CNTNAP5: variants seen among roughly 807,000 people sequenced by gnomAD.
CNTNAP5 encodes contactin associated protein family member 5, also known as contactin-associated protein-like 5.
CNTNAP5 carries 72 observed loss-of-function variants against 150.2 expected under a neutral mutation model. That is an observed-to-expected ratio of 0.48 (90% CI 0.40 to 0.58). CNTNAP5 has a LOEUF of 0.58. Ranked by LOEUF, CNTNAP5 falls within the 20% of genes least tolerant of loss-of-function variation. The pLI is 0.00. For synonymous variants in CNTNAP5, 672 were observed against 619.8 expected (o/e 1.08, Z -1.25); for missense variants, 1,636 against 1,626.2 (o/e 1.01, Z -0.10).
chr2:124,840,072 A>AG lies in CNTNAP5; in HGVS notation c.3218-25232dup, dbSNP rs538467879. On this transcript the variant is annotated intron_variant, in intron 19 of 23. Transcript: ENST00000682447. ...AGCACTTAATACGTGTAAGGAAGTG[A>AG]GGAGGGGGAATAATAAAGCTTGAGA... Among the ~76,000 whole-genome samples the AG allele has an allele frequency of 1.1e-3, 162 of 152,102 alleles. 4 individuals are homozygous for AG. Among genetic ancestry groups the AG allele is most frequent in the African/African-American group, 3.7e-3 (152 of 41,484 alleles).
intron 3 of CNTNAP5, among the ~76,000 whole-genome samples, chr2:124,372,877 A>C (rs1690563568): frequency 2.0e-5 from 3 of 152,162 alleles, no homozygotes; most frequent in South Asian, 4.1e-4. Flanking sequence ...AGAATCTTGA[A>C]GAAAAAGGAA....
intron 19 of CNTNAP5, among the ~76,000 whole-genome samples, chr2:124,835,857 A>T (rs1682818394): frequency 6.6e-6 from 1 of 152,194 alleles, no homozygotes; most frequent in South Asian, 2.1e-4. Context: ...CTTACTAAAA[A>T]CAATACAAAA....
chr2:124,390,751 C>T (rs1407186265), intron 3 of CNTNAP5, among the ~76,000 whole-genome samples: 1 of 152,060 alleles, frequency 6.6e-6, no homozygotes, highest in Non-Finnish European at 1.5e-5. Context: ...TACAAAAACA[C>T]TGGGTGTTAT....
rs1024293072 is a variant in CNTNAP5 at position 124,374,210 on chromosome 2, T to C, written c.382-43233T>C. Among the ~76,000 whole-genome samples, 39 of 152,136 alleles carry C rather than the reference T, an allele frequency of 2.6e-4. 1 individual carries two copies. Among genetic ancestry groups the C allele is most frequent in the African/African-American group, 8.2e-4 (34 of 41,440 alleles). On this transcript the variant is annotated intron_variant, in intron 3 of 23. Transcript: ENST00000682447. ...TATTAGAGAAATGTCAATTATATTA[T>C]GGTTAATTATTTCTTTCACTAGTTA...
intron 12 of CNTNAP5, among the ~76,000 whole-genome samples, chr2:124,612,482 C>T (rs551128679): frequency 6.6e-6 from 1 of 152,170 alleles, no homozygotes; most frequent in Non-Finnish European, 1.5e-5. Flanking sequence ...ACATAGGTTT[C>T]ATGTACATGA....
At chr2:124,706,593 A>G (rs114317137) in intron 13 of CNTNAP5, among the ~76,000 whole-genome samples, 6,226 of 151,702 alleles carry the variant, frequency 0.041, 460 homozygotes, top group African/African-American at 0.14. Context: ...TAAAATATAC[A>G]AAAATTAGCG....
At chr2:124,505,480 T>C (rs1192962858) in intron 8 of CNTNAP5, among the ~76,000 whole-genome samples, 2 of 152,138 alleles carry the variant, frequency 1.3e-5, no homozygotes, top group Admixed American at 1.3e-4. Context: ...ATATATATTT[T>C]AAATGTATTG....
chr2:124,683,239 G>A (rs1470549970), intron 13 of CNTNAP5, among the ~76,000 whole-genome samples: 11 of 152,148 alleles, frequency 7.2e-5, no homozygotes, highest in South Asian at 2.1e-4. Context: ...AGACTGCTTT[G>A]TTGGCCCATT....
At chr2:124,761,085 A>G (rs181871236) in intron 14 of CNTNAP5, among the ~76,000 whole-genome samples, 79 of 152,206 alleles carry the variant, frequency 5.2e-4, no homozygotes, top group African/African-American at 1.9e-3. Flanking sequence ...AAAGGAAGTG[A>G]AAGTTTGCAG....
Position 124,491,935 on chromosome 2 carries a change from A to G in CNTNAP5, c.1063-12357A>G, listed in dbSNP as rs7355723. 5.1e-3 allele frequency among the ~76,000 whole-genome samples: 775 copies of G among 151,882 alleles called. 6 individuals are homozygous for G. The highest frequency in any genetic ancestry group is 0.017 in the African/African-American group (713 of 41,472). On this transcript the variant is annotated intron_variant, in intron 7 of 23. Transcript: ENST00000682447. ...TCTAGTGAAGGTCTTTGCTCTTTTTATTATATTATTTGGGTTTTTTGTTTG... is the reference window on the plus strand; with the variant it reads ...TCTAGTGAAGGTCTTTGCTCTTTTTGTTATATTATTTGGGTTTTTTGTTTG...
At chr2:124,077,528 A>G (rs941206904) in intron 1 of CNTNAP5, among the ~76,000 whole-genome samples, 3 of 152,306 alleles carry the variant, frequency 2.0e-5, no homozygotes, top group African/African-American at 7.2e-5. Flanking sequence ...CACATAGAAA[A>G]GTATATGTTG....
chr2:124,746,665 G>T (rs1050264933), intron 13 of CNTNAP5, among the ~76,000 whole-genome samples: 1 of 152,204 alleles, frequency 6.6e-6, no homozygotes, highest in Non-Finnish European at 1.5e-5. Context: ...CTTCACCTGA[G>T]TCTTTAACTT....
At chr2:124,797,134 T>C (rs969317436) in intron 18 of CNTNAP5, among the ~76,000 whole-genome samples, 8 of 152,200 alleles carry the variant, frequency 5.3e-5, no homozygotes, top group African/African-American at 1.9e-4. Context: ...GTAGGTGTTA[T>C]GATTCCCATT....
At chr2:124,825,803 C>T (rs755062526) in intron 19 of CNTNAP5, among the ~76,000 whole-genome samples, 18 of 152,082 alleles carry the variant, frequency 1.2e-4, no homozygotes, top group Non-Finnish European at 2.1e-4. Context: ...CGGGGCATGA[C>T]GATGATCCCA....
intron 12 of CNTNAP5, among the ~76,000 whole-genome samples, chr2:124,632,950 C>CTCATGAGAACTCTA (rs1341694793): frequency 2.0e-5 from 3 of 152,008 alleles, no homozygotes; most frequent in Admixed American, 6.6e-5. Flanking sequence ...ACAATGAGAT[C>CTCATGAGAACTCTA]TCATGAGAAC....
chr2:124,789,262 T>C (rs1252334877), intron 17 of CNTNAP5, among the ~76,000 whole-genome samples: 1 of 152,198 alleles, frequency 6.6e-6, no homozygotes, highest in Non-Finnish European at 1.5e-5. Flanking sequence ...ACTTTTTTTT[T>C]CACAAGAAAC....
intron 1 of CNTNAP5, among the ~76,000 whole-genome samples, chr2:124,184,987 G>A (rs575685065): frequency 2.6e-5 from 4 of 152,210 alleles, no homozygotes; most frequent in Admixed American, 1.3e-4. Flanking sequence ...CCCCATATTC[G>A]TGTTTGTATA....
chr2:124,382,783 C>T (rs1690829124), intron 3 of CNTNAP5, among the ~76,000 whole-genome samples: 1 of 152,162 alleles, frequency 6.6e-6, no homozygotes, highest in Non-Finnish European at 1.5e-5. Flanking sequence ...CTAGCTCAAA[C>T]TATTTAGTTC....
chr2:124,796,287 C>T (rs1681844738), intron 18 of CNTNAP5, among the ~76,000 whole-genome samples: 1 of 152,088 alleles, frequency 6.6e-6, no homozygotes, highest in Non-Finnish European at 1.5e-5. Context: ...CTATGTTATT[C>T]CTAACAGAAT....
Sources: gnomAD v4.1 joint callset for allele counts (sites outside exome capture counted in the v4.1 genomes callset) on GRCh38, gnomAD v4.1.1 for gene constraint, MANE v1.5 for transcripts, NCBI Gene and HGNC (gene_info 2026-07-23, HGNC 2026-07-21) for gene names.